ADAMTS20: variants seen among roughly 807,000 people sequenced by gnomAD.
The protein encoded by ADAMTS20 is ADAM metallopeptidase with thrombospondin type 1 motif 20.
ADAMTS20 carries 225 observed loss-of-function variants against 260.1 expected under a neutral mutation model. That is an observed-to-expected ratio of 0.87 (90% CI 0.78 to 0.97). The LOEUF (loss-of-function observed/expected upper bound fraction) is 0.97, where lower values mean the gene tolerates loss of function less well. Among genes scored for constraint, ADAMTS20 ranks in the 50% least tolerant of loss-of-function variants. ADAMTS20 has a pLI of 0.00. For synonymous variants in ADAMTS20, 802 were observed against 769.5 expected, an observed-to-expected ratio of 1.04 and a Z score of -0.70; for missense variants, 2,400 against 2,337.7, an observed-to-expected ratio of 1.03 and a Z score of -0.55.
At chr12:43,484,380 G>A (rs1010957581) in intron 7 of ADAMTS20, among the ~76,000 whole-genome samples, 2 of 152,040 alleles carry the variant, frequency 1.3e-5, no homozygotes, top group Admixed American at 1.3e-4. Context: ...TGATTATTAA[G>A]TAACTCAAGG....
intron 2 of ADAMTS20, among the ~76,000 whole-genome samples, chr12:43,540,232 A>G (rs1179695893): frequency 6.6e-6 from 1 of 152,190 alleles, no homozygotes; most frequent in East Asian, 1.9e-4. Flanking sequence ...CTATTTTAAT[A>G]TGCCAATAAA....
intron 3 of ADAMTS20, 43 bp from the exon 4 acceptor site, chr12:43,502,448 A>C: frequency 6.5e-7 from 1 of 1,548,286 alleles, no homozygotes; most frequent in South Asian, 1.3e-5. Flanking sequence ...ATTAAATTGG[A>C]TGTGACGAAA....
In ADAMTS20 at chr12:43,532,037, T is replaced by C; in HGVS notation, c.612A>G (p.Ser204=). The change falls in exon 3 of 39, where the codon TCA becomes TCG. Residue 204 remains serine, a splice_region_variant and synonymous_variant. Coordinates refer to ENST00000389420, the MANE Select transcript of ADAMTS20 (RefSeq NM_025003.5). ...FLQTLKYCSV[S]ESQIKETSLP... ...AAAGAGTTCTATTTCACAGTTTACC[T>C]GACACACTGCAATACTTCAGAGTCT... 6.4e-7 allele frequency: 1 copy of C among 1,560,630 alleles called. No homozygotes were observed. The highest frequency in any genetic ancestry group is 8.7e-7 in the Non-Finnish European group (1 of 1,152,176).
chr12:43,393,671 G>A (rs1416164933), intron 29 of ADAMTS20, among the ~76,000 whole-genome samples: 1 of 151,876 alleles, frequency 6.6e-6, no homozygotes. Flanking sequence ...TTATGGATAA[G>A]GTTTTGATTT....
intron 28 of ADAMTS20, among the ~76,000 whole-genome samples, chr12:43,415,482 A>C (rs1016631097): frequency 2.6e-5 from 4 of 152,200 alleles, no homozygotes; most frequent in Non-Finnish European, 4.4e-5. Flanking sequence ...TTGGATTTCT[A>C]ACTCGAGGAA....
At chr12:43,513,274 T>C (rs1024216190) in intron 3 of ADAMTS20, among the ~76,000 whole-genome samples, 8 of 152,202 alleles carry the variant, frequency 5.3e-5, no homozygotes, top group Non-Finnish European at 8.8e-5. Context: ...AAATATTTTT[T>C]ATTCTTCCAC....
chr12:43,384,011 C>A, intron 29 of ADAMTS20, 34 bp from the exon 30 acceptor site: 2 of 1,553,616 alleles, frequency 1.3e-6, no homozygotes, highest in South Asian at 1.2e-5. Flanking sequence ...GAACAATTAG[C>A]TAATAAATAC....
At chr12:43,482,626 C>T (rs1942458774) in intron 7 of ADAMTS20, among the ~76,000 whole-genome samples, 1 of 152,176 alleles carries the variant, frequency 6.6e-6, no homozygotes. Flanking sequence ...CTTGTGCCTA[C>T]ATGTGGAGAG....
chr12:43,386,363 C>G (rs142266726), intron 29 of ADAMTS20, among the ~76,000 whole-genome samples: 27 of 152,322 alleles, frequency 1.8e-4, no homozygotes, highest in Non-Finnish European at 7.3e-5. Flanking sequence ...CGCTGTTAGT[C>G]TAATGGGCTT....
intron 18 of ADAMTS20, 130 bp downstream of exon 18, chr12:43,439,492 C>A: frequency 5.5e-6 from 6 of 1,089,208 alleles, no homozygotes; most frequent in East Asian, 5.0e-5. Context: ...AGATTGAAAA[C>A]TTTTGTATGT....
chr12:43,412,527 T>G (rs925253524), intron 28 of ADAMTS20, among the ~76,000 whole-genome samples: 1 of 152,202 alleles, frequency 6.6e-6, no homozygotes, highest in Admixed American at 6.5e-5. Context: ...ACGGGTATCC[T>G]GTAGATCAGC....
chr12:43,396,946 C>T (rs982250646), intron 29 of ADAMTS20, among the ~76,000 whole-genome samples: 3 of 152,148 alleles, frequency 2.0e-5, no homozygotes, highest in Non-Finnish European at 4.4e-5. Flanking sequence ...CCCATGCCCC[C>T]GTGGCTCCTG....
At chr12:43,459,608 A>C (rs1942025036) in intron 11 of ADAMTS20, among the ~76,000 whole-genome samples, 1 of 152,208 alleles carries the variant, frequency 6.6e-6, no homozygotes. Flanking sequence ...TCCTACAGCA[A>C]CAGAAGAAAA....
chr12:43,551,940 C>G lies in ADAMTS20; in HGVS notation c.-19G>C, dbSNP rs2137539540. On this transcript the variant is annotated 5_prime_UTR_variant, in exon 1 of 39. Transcript: ENST00000389420. The surrounding 1 kb of genome is among the most constrained non-coding windows in gnomAD (Gnocchi z 4.6). Reference sequence around the variant, plus strand: ...CCCACATGGTTCCACCCTGGGGACCCCGATCGGGGAGGCCCACCAGAGCCG... The same window carrying G: ...CCCACATGGTTCCACCCTGGGGACCGCGATCGGGGAGGCCCACCAGAGCCG... The G allele has an allele frequency of 6.2e-7, 1 of 1,611,388 alleles. No individual in the cohort carries two copies. Among genetic ancestry groups the G allele is most frequent in the South Asian group, 1.1e-5 (1 of 91,040 alleles).
At chr12:43,451,339 C>T (rs774189579) in intron 14 of ADAMTS20, among the ~76,000 whole-genome samples, 12 of 152,286 alleles carry the variant, frequency 7.9e-5, no homozygotes, top group South Asian at 4.1e-4. Flanking sequence ...TGCTTTAACT[C>T]AGCATCTCAT....
chr12:43,395,930 C>T (rs1398309329), intron 29 of ADAMTS20, among the ~76,000 whole-genome samples: 1 of 151,452 alleles, frequency 6.6e-6, no homozygotes, highest in East Asian at 1.9e-4. Context: ...GTAGATGGGA[C>T]CTGAGACAAT....
chr12:43,366,793 G>T (rs1939996540), intron 37 of ADAMTS20, among the ~76,000 whole-genome samples: 1 of 151,520 alleles, frequency 6.6e-6, no homozygotes, highest in Non-Finnish European at 1.5e-5. Flanking sequence ...TGCAACAAAA[G>T]AATCGATTAA....
At chr12:43,452,136 T>C in intron 14 of ADAMTS20, 138 bp downstream of exon 14, 1 of 867,910 alleles carries the variant, frequency 1.2e-6, no homozygotes, top group Non-Finnish European at 1.7e-6. Flanking sequence ...ATAGATAGCA[T>C]GATAACAAAG....
In ADAMTS20 at chr12:43,523,094, A is replaced by G. The variant is rs111344850; in HGVS notation, c.613+8942T>C. 5.9e-5 allele frequency among the ~76,000 whole-genome samples: 9 copies of G among 152,344 alleles called. 1 individual carries two copies. Among genetic ancestry groups the G allele is most frequent in the African/African-American group, 1.9e-4 (8 of 41,572 alleles). ...TCTCTGGGGAACCTCCTGAAGGTTC[A>G]TCCATTAGAATATATAAGACCTTTG... On this transcript the variant is annotated intron_variant, in intron 3 of 38. Coordinates refer to ENST00000389420, the MANE Select transcript of ADAMTS20 (RefSeq NM_025003.5).
Sources: gnomAD v4.1 joint callset for allele counts (sites outside exome capture counted in the v4.1 genomes callset) on GRCh38, gnomAD v4.1.1 for gene constraint, Gnocchi (gnomAD v3.1) non-coding constraint, MANE v1.5 for transcripts, NCBI Gene and HGNC (gene_info 2026-07-23, HGNC 2026-07-21) for gene names.